Variants in ZBTB20 observed in about 807,000 individuals in gnomAD.
ZBTB20 encodes the protein zinc finger and BTB domain-containing protein 20.
ZBTB20 carries 9 observed loss-of-function variants against 56.9 expected under a neutral mutation model. The ratio of observed to expected loss-of-function variants is 0.16; its 90% confidence interval spans 0.10 to 0.28. The LOEUF (loss-of-function observed/expected upper bound fraction) is 0.28. ZBTB20 is among the 10% of genes least tolerant of loss of function. The pLI, the probability that ZBTB20 is intolerant of heterozygous loss-of-function variation, is 1.00. For missense variants in ZBTB20, 655 were observed against 1,003.0 expected (o/e 0.65, Z 4.69); for synonymous variants, 417 against 420.7 (o/e 0.99, Z 0.11).
chr3:114,763,644 T>C (rs1461321425), intron 5 of ZBTB20, among the ~76,000 whole-genome samples: 2 of 152,202 alleles, frequency 1.3e-5, no homozygotes, highest in African/African-American at 2.4e-5. Flanking sequence ...GTCATCTTTA[T>C]GTTTTTCATT....
At chr3:114,964,472 T>C (rs972815874) in intron 3 of ZBTB20, among the ~76,000 whole-genome samples, 1 of 152,116 alleles carries the variant, frequency 6.6e-6, no homozygotes, top group South Asian at 2.1e-4. Flanking sequence ...TGGTAAATCA[T>C]ACTCATGCAT....
At chr3:114,868,239 A>C (rs1236767703) in intron 4 of ZBTB20, among the ~76,000 whole-genome samples, 1 of 152,200 alleles carries the variant, frequency 6.6e-6, no homozygotes, top group South Asian at 2.1e-4. Context: ...AAAATCCCCA[A>C]AGTAACCACA....
chr3:114,735,730 A>G (rs1157913359), intron 5 of ZBTB20, among the ~76,000 whole-genome samples: 1 of 152,188 alleles, frequency 6.6e-6, no homozygotes, highest in Non-Finnish European at 1.5e-5. Context: ...TAATAATTGT[A>G]TAACTTACAG....
intron 3 of ZBTB20, among the ~76,000 whole-genome samples, chr3:114,922,129 A>G (rs1435390285): frequency 1.3e-5 from 2 of 152,186 alleles, no homozygotes; most frequent in Non-Finnish European, 2.9e-5. Context: ...ACAAAAATCA[A>G]TGCTTTCTTG....
intron 8 of ZBTB20, chr3:114,387,490 C>T (rs1175751743): frequency 1.3e-5 from 2 of 152,208 alleles, no homozygotes; most frequent in African/African-American, 2.4e-5. Context: ...GACAGGAATA[C>T]ATGCTCACTT....
At chr3:114,404,170 T>C (rs751448588) in intron 7 of ZBTB20, among the ~76,000 whole-genome samples, 18 of 152,198 alleles carry the variant, frequency 1.2e-4, no homozygotes, top group Non-Finnish European at 2.4e-4. Context: ...CATAGGGGAA[T>C]AATCCTTCCT....
intron 1 of ZBTB20, among the ~76,000 whole-genome samples, chr3:115,082,338 T>C (rs936769982): frequency 6.6e-6 from 1 of 152,190 alleles, no homozygotes; most frequent in Non-Finnish European, 1.5e-5. Context: ...ATTAAAATCT[T>C]ATTAACATTA....
intron 2 of ZBTB20, among the ~76,000 whole-genome samples, chr3:115,065,142 T>C (rs2082161598): frequency 1.3e-5 from 2 of 151,910 alleles, no homozygotes; most frequent in African/African-American, 4.8e-5. Context: ...TTTATTTGAC[T>C]TTTTTTTGCT....
chr3:114,377,717 G>A (rs985181175), intron 10 of ZBTB20, among the ~76,000 whole-genome samples: 4 of 152,128 alleles, frequency 2.6e-5, no homozygotes, highest in African/African-American at 9.7e-5. Flanking sequence ...CTCACAATGA[G>A]AGCAAATCCA....
At chr3:114,754,031 A>G (rs1431395908) in intron 5 of ZBTB20, among the ~76,000 whole-genome samples, 1 of 152,128 alleles carries the variant, frequency 6.6e-6, no homozygotes, top group African/African-American at 2.4e-5. Flanking sequence ...ACCACTACCT[A>G]ATTAATTCCT....
intron 6 of ZBTB20, among the ~76,000 whole-genome samples, chr3:114,623,422 C>T (rs948606342): frequency 1.3e-5 from 2 of 152,088 alleles, no homozygotes; most frequent in Non-Finnish European, 2.9e-5. Flanking sequence ...TTTAGTTTTC[C>T]TGTGGCAGGA....
At position 114,315,503 on chromosome 3, in the gene ZBTB20, T is replaced by C. The variant is rs1431187553; in HGVS notation, c.*23502A>G. The C allele has an allele frequency of 6.6e-6, 1 of 152,192 alleles. No individual in the cohort carries two copies. The highest frequency in any genetic ancestry group is 2.4e-5 in the African/African-American group (1 of 41,412). 9.4% of individuals were successfully genotyped at this position (152,192 alleles called of 1,614,324 possible). A position where few individuals can be genotyped will look rare whatever the true frequency, so the allele number is the denominator to read the frequency against. ...ATATGTATGTGTGTGTGCATGTGTGTATGTTTTAGGTCACATAAACATACA... is the reference window on the plus strand; with the variant it reads ...ATATGTATGTGTGTGTGCATGTGTGCATGTTTTAGGTCACATAAACATACA... On this transcript the variant is annotated 3_prime_UTR_variant, in exon 12 of 12. Transcript: ENST00000675478.
rs1576702967 is a variant in ZBTB20, at chr3:115,069,830, C to G, written c.-507+1389G>C. On this transcript the variant is annotated intron_variant, in intron 2 of 11. Coordinates refer to ENST00000675478, the MANE Select transcript of ZBTB20 (RefSeq NM_001348800.3). ...ACCAAGCATTGCTCTATGTACTATA[C>G]ATCTCATTTAATCCTCATATACAAA... Among the ~76,000 whole-genome samples, 5 of 150,528 alleles carry G rather than the reference C, an allele frequency of 3.3e-5. No individual in the cohort carries two copies. The South Asian group carries it at 8.4e-4, about 25-fold the overall frequency.
At chr3:115,107,420 A>G (rs988088630) in intron 1 of ZBTB20, among the ~76,000 whole-genome samples, 2 of 150,226 alleles carry the variant, frequency 1.3e-5, no homozygotes, top group Non-Finnish European at 3.0e-5. Flanking sequence ...ACTGTGTCAA[A>G]AAAAAAAAAA....
At chr3:114,623,134 C>T (rs1272968650) in intron 6 of ZBTB20, among the ~76,000 whole-genome samples, 1 of 152,102 alleles carries the variant, frequency 6.6e-6, no homozygotes, top group Non-Finnish European at 1.5e-5. Context: ...GATGGAATAC[C>T]TCTAGAAAAG....
chr3:115,008,582 A>G (rs1257889440), intron 2 of ZBTB20, among the ~76,000 whole-genome samples: 2 of 151,956 alleles, frequency 1.3e-5, no homozygotes, highest in Non-Finnish European at 2.9e-5. Flanking sequence ...ATAATTTTAC[A>G]TATGAAAAAA....
chr3:114,343,003 G>C (rs1411330105), intron 11 of ZBTB20, among the ~76,000 whole-genome samples: 2 of 152,158 alleles, frequency 1.3e-5, no homozygotes, highest in African/African-American at 2.4e-5. Context: ...GAAACTGAGG[G>C]GGAGGCAGTG....
At chr3:114,718,464 C>A (rs73857643) in intron 5 of ZBTB20, among the ~76,000 whole-genome samples, 3 of 152,070 alleles carry the variant, frequency 2.0e-5, no homozygotes, top group Admixed American at 1.3e-4. Flanking sequence ...TCCTGACTTA[C>A]AAACATGAGT....
In ZBTB20 at chr3:114,380,422, G is replaced by T; in HGVS notation, c.12-18C>A. On this transcript the variant is annotated intron_variant, in intron 9 of 11. Transcript: ENST00000675478. Reference sequence around the variant, plus strand: ...GTTTCTTCCTGAAAATAAACAAAGGGCCCTTTGAAGGAACTGACTGCATAT... The same window carrying T: ...GTTTCTTCCTGAAAATAAACAAAGGTCCCTTTGAAGGAACTGACTGCATAT... The T allele has an allele frequency of 6.6e-7, 1 of 1,507,732 alleles. No homozygotes were observed. Among genetic ancestry groups the T allele is most frequent in the Non-Finnish European group, 8.8e-7 (1 of 1,132,748 alleles). 93.4% of individuals were successfully genotyped at this position (1,507,732 alleles called of 1,614,324 possible). A position where few individuals can be genotyped will look rare whatever the true frequency, so the allele number is the denominator to read the frequency against.
Sources: gnomAD v4.1 joint callset for allele counts (sites outside exome capture counted in the v4.1 genomes callset) on GRCh38, gnomAD v4.1.1 for gene constraint, MANE v1.5 for transcripts, NCBI Gene and HGNC (gene_info 2026-07-23, HGNC 2026-07-21) for gene names.